The following FAR1 variants were observed in gnomAD, a reference collection of about 807,000 sequenced individuals.
The protein encoded by FAR1 is male sterility domain-containing protein 2.
A neutral mutation model predicts 61.1 loss-of-function variants in FAR1; 22 were observed. That is an observed-to-expected ratio of 0.36 (90% CI 0.26 to 0.51). The LOEUF (loss-of-function observed/expected upper bound fraction) is 0.51, where lower values mean the gene tolerates loss of function less well. Among genes scored for constraint, FAR1 ranks in the 20% least tolerant of loss-of-function variants. The probability of loss-of-function intolerance (pLI) is 0.95; values close to 1 mark genes in which losing one functional copy is unlikely to be tolerated. For missense variants in FAR1, 359 were observed against 626.9 expected, an observed-to-expected ratio of 0.57 and a Z score of 4.56; for synonymous variants, 206 against 209.7, an observed-to-expected ratio of 0.98 and a Z score of 0.15.
intron 1 of FAR1, among the ~76,000 whole-genome samples, chr11:13,670,587 G>A (rs1320974104): frequency 2.0e-5 from 3 of 152,004 alleles, no homozygotes; most frequent in Non-Finnish European, 4.4e-5. Context: ...CTGCCGCGCC[G>A]GCCAAAATTA....
intron 1 of FAR1, among the ~76,000 whole-genome samples, chr11:13,693,356 TTTC>T (rs1335921467): frequency 6.6e-6 from 1 of 151,628 alleles, no homozygotes; most frequent in Non-Finnish European, 1.5e-5. Context: ...TAAATGCTTT[TTTC>T]TTTTGTTTGT....
chr11:13,683,996 A>G (rs1565340081), intron 1 of FAR1, among the ~76,000 whole-genome samples: 1 of 152,162 alleles, frequency 6.6e-6, no homozygotes, highest in East Asian at 1.9e-4. Flanking sequence ...TCTAGACTTG[A>G]CTGCAGTACT....
chr11:13,670,330 C>T (rs1412838551), intron 1 of FAR1, among the ~76,000 whole-genome samples: 7 of 151,650 alleles, frequency 4.6e-5, no homozygotes. Context: ...GCTTTGTTGC[C>T]CAGGCTGGAG....
chr11:13,710,934 A>C, intron 5 of FAR1, 64 bp downstream of exon 5: 1 of 1,410,894 alleles, frequency 7.1e-7, no homozygotes, highest in Non-Finnish European at 9.8e-7. Flanking sequence ...ACTCTGTATA[A>C]AAAGAGCTGG....
rs1406408565 is a variant in FAR1 at position 13,731,627 on chromosome 11, T to G, written c.*2853T>G. The G allele has an allele frequency of 2.6e-5, 4 of 152,372 alleles. No individual in the cohort carries two copies. The East Asian group carries it at 7.7e-4, about 29-fold the overall frequency. 9.4% of individuals were successfully genotyped at this position (152,372 alleles called of 1,614,324 possible). ...ACTTGTTAATTCTTATGTCCTAATT[T>G]TATTTAATTCTGAGTTCCTTACACA... On this transcript the variant is annotated 3_prime_UTR_variant, in exon 12 of 12. Coordinates refer to ENST00000354817, the MANE Select transcript of FAR1 (RefSeq NM_032228.6).
chr11:13,712,382 G>A (rs989385932), intron 7 of FAR1, among the ~76,000 whole-genome samples: 1 of 151,698 alleles, frequency 6.6e-6, no homozygotes, highest in Non-Finnish European at 1.5e-5. Flanking sequence ...CACAGAATAT[G>A]GTTTACATAT....
At chr11:13,680,203 T>C (rs1415731816) in intron 1 of FAR1, among the ~76,000 whole-genome samples, 1 of 152,210 alleles carries the variant, frequency 6.6e-6, no homozygotes, top group Admixed American at 6.5e-5. Flanking sequence ...CTAAATAATT[T>C]GTACACTTTG....
chr11:13,714,657 C>G lies in FAR1; in HGVS notation c.1104C>G (p.Leu368=). Reference sequence around the variant, plus strand: ...CAGCATTCCTGTATGATATCTACCTCAGGATGACTGGAAGAAGCCCAAGGT... The same window carrying G: ...CAGCATTCCTGTATGATATCTACCTGAGGATGACTGGAAGAAGCCCAAGGT... The part of the protein sequence containing the change: ...KAPAFLYDIY[L]RMTGRSPRMM... Residue 368 remains leucine, a synonymous_variant, in exon 9 of 12, where the codon CTC becomes CTG. Coordinates refer to ENST00000354817, the MANE Select transcript of FAR1 (RefSeq NM_032228.6). The G allele has an allele frequency of 6.2e-7, 1 of 1,610,444 alleles. No homozygotes were observed.
Position 13,727,648 on chromosome 11 carries a change from G to A in FAR1, c.1350G>A (p.Met450Ile). Residue 450 changes from methionine to isoleucine, a missense_variant, in exon 11 of 12, where the codon ATG (methionine) becomes ATA (isoleucine). Around this residue, in one of 2 missense-constraint regions of FAR1, gnomAD observed 344 missense variants for 570.3 expected, o/e 0.60. Transcript: ENST00000354817. ...GTKKYVLNEEMSGLPAARKHL... is the reference protein window; with the variant it reads ...GTKKYVLNEEISGLPAARKHL... ...AGAAGTACGTATTGAATGAAGAAATGTCTGGCCTCCCTGCAGCCAGAAAAC... is the reference window on the plus strand; with the variant it reads ...AGAAGTACGTATTGAATGAAGAAATATCTGGCCTCCCTGCAGCCAGAAAAC... 2 of 1,609,952 alleles carry A rather than the reference G, an allele frequency of 1.2e-6. No homozygotes were observed. The highest frequency in any genetic ancestry group is 1.7e-6 in the Non-Finnish European group (2 of 1,177,492).
At chr11:13,713,091 T>G in intron 8 of FAR1, 58 bp downstream of exon 8, 1 of 1,490,734 alleles carries the variant, frequency 6.7e-7, no homozygotes, top group Non-Finnish European at 9.4e-7. Flanking sequence ...CCAAGTTCCC[T>G]GAAGTTTTAA....
rs201537787 is a variant in FAR1, at chr11:13,700,530, A to G, written c.365+38A>G. ...AATTATATAATATTTGAACTTCAGT[A>G]TAGTTATTAAAAAATCTCATTTTAA... On this transcript the variant is annotated intron_variant, in intron 3 of 11. Coordinates refer to ENST00000354817, the MANE Select transcript of FAR1 (RefSeq NM_032228.6). 2.5e-4 allele frequency: 310 copies of G among 1,225,988 alleles called. 1 individual carries two copies. In the African/African-American group the frequency reaches 4.3e-3, roughly 17 times the overall value. The allele number at this position is 1,225,988 out of a possible 1,614,324, so 75.9% of individuals were successfully genotyped here.
chr11:13,672,584 T>C (rs1298604108), intron 1 of FAR1, among the ~76,000 whole-genome samples: 8 of 149,964 alleles, frequency 5.3e-5, no homozygotes, highest in Admixed American at 5.3e-4. Context: ...TTATAATTAG[T>C]GGGGACAAGC....
intron 1 of FAR1, among the ~76,000 whole-genome samples, chr11:13,677,554 A>G (rs754221942): frequency 1.3e-5 from 2 of 152,222 alleles, no homozygotes; most frequent in Non-Finnish European, 2.9e-5. Flanking sequence ...TCCAGGTTCA[A>G]AGAAGTTACT....
intron 1 of FAR1, among the ~76,000 whole-genome samples, chr11:13,692,257 A>G (rs1489102623): frequency 6.6e-6 from 1 of 152,220 alleles, no homozygotes; most frequent in Non-Finnish European, 1.5e-5. Flanking sequence ...ACCAGTAAGC[A>G]TAATGCAAAT....
intron 1 of FAR1, among the ~76,000 whole-genome samples, chr11:13,690,511 A>G (rs936565041): frequency 1.3e-5 from 2 of 152,172 alleles, no homozygotes; most frequent in Non-Finnish European, 2.9e-5. Context: ...TACCTTTCAC[A>G]TTTAGATCTC....
At chr11:13,672,566 CATT>C (rs964917351) in intron 1 of FAR1, among the ~76,000 whole-genome samples, 10 of 149,440 alleles carry the variant, frequency 6.7e-5, no homozygotes, top group African/African-American at 1.2e-4. Flanking sequence ...AAAAAGTGAG[CATT>C]ATTTTTATAA....
chr11:13,706,849 T>G lies in FAR1; in HGVS notation c.366-1051T>G, dbSNP rs147826963. Among the ~76,000 whole-genome samples, 161 of 152,270 alleles carry G rather than the reference T, an allele frequency of 1.1e-3. 1 individual carries two copies. In the East Asian group the frequency reaches 0.029, roughly 27 times the overall value. On this transcript the variant is annotated intron_variant, in intron 3 of 11. Transcript: ENST00000354817. Reference sequence around the variant, plus strand: ...TACTGCTAAATGTTTGCAAGCTATTTGTTTAATTTTATACCAGTCTTAGTA... The same window carrying G: ...TACTGCTAAATGTTTGCAAGCTATTGGTTTAATTTTATACCAGTCTTAGTA...
chr11:13,716,059 C>A (rs183914460), intron 9 of FAR1, among the ~76,000 whole-genome samples: 188 of 152,240 alleles, frequency 1.2e-3, no homozygotes, highest in African/African-American at 4.4e-3. Flanking sequence ...TCAGACTTTT[C>A]TAGAATGATC....
intron 10 of FAR1, among the ~76,000 whole-genome samples, chr11:13,725,300 A>C (rs1848657916): frequency 6.6e-6 from 1 of 152,210 alleles, no homozygotes; most frequent in African/African-American, 2.4e-5. Context: ...AGTGTATGAG[A>C]GTTCCTGTTA....
Sources: gnomAD v4.1 joint callset for allele counts (sites outside exome capture counted in the v4.1 genomes callset) on GRCh38, gnomAD v4.1.1 for gene constraint, gnomAD v4.1.1 regional missense constraint, MANE v1.5 for transcripts, NCBI Gene and HGNC (gene_info 2026-07-23, HGNC 2026-07-21) for gene names.